The following TYR variants were observed in gnomAD, a reference collection of about 807,000 sequenced individuals.
TYR encodes the protein LB24-AB.
In TYR, 58 loss-of-function variants were observed where a neutral mutation model predicts 51.5. That is an observed-to-expected ratio of 1.13 (90% CI 0.91 to 1.40). The LOEUF (loss-of-function observed/expected upper bound fraction) is 1.40. Ranked by LOEUF, TYR falls within the 40% of genes most tolerant of loss-of-function variation. The probability of loss-of-function intolerance (pLI) is 0.00; values close to 1 mark genes in which losing one functional copy is unlikely to be tolerated. For missense variants in TYR, 732 were observed against 647.4 expected (o/e 1.13, Z -1.42); for synonymous variants, 263 against 235.2 (o/e 1.12, Z -1.08).
At chr11:89,279,761 C>T (rs1459983901) in intron 3 of TYR, among the ~76,000 whole-genome samples, 1 of 151,560 alleles carries the variant, frequency 6.6e-6, no homozygotes, top group Non-Finnish European at 1.5e-5. Context: ...GATCACCTGG[C>T]AGAGGTAGTG....
intron 1 of TYR, among the ~76,000 whole-genome samples, chr11:89,185,269 C>T (rs527723282): frequency 6.6e-6 from 1 of 152,156 alleles, no homozygotes; most frequent in African/African-American, 2.4e-5. Context: ...ATGGAGATAT[C>T]TCCCTTATGG....
intron 2 of TYR, among the ~76,000 whole-genome samples, chr11:89,201,013 T>C (rs142429073): frequency 4.6e-5 from 7 of 152,288 alleles, no homozygotes; most frequent in Non-Finnish European, 1.0e-4. Flanking sequence ...TATAATAGCA[T>C]GCATTGGTCA....
At chr11:89,254,185 A>G (rs1306438913) in intron 3 of TYR, among the ~76,000 whole-genome samples, 1 of 151,886 alleles carries the variant, frequency 6.6e-6, no homozygotes, top group East Asian at 1.9e-4. Context: ...CCACTTGATC[A>G]CGGTGGATTA....
Position 89,178,600 on chromosome 11 carries a change from T to C in TYR, c.647T>C (p.Leu216Ser). ...CTGCCTTGGCATAGACTCTTCTTGT[T>C]GCGGTGGGAACAAGAAATCCAGAAG... ...AFLPWHRLFL[L>S]RWEQEIQKLT... is the part of the protein sequence containing the mutation. The change falls in exon 1 of 5, where the codon TTG becomes TCG. Residue 216 changes from leucine to serine, a missense_variant. By Grantham distance (145) the Leu-to-Ser change is moderately radical. Transcript: ENST00000263321. The C allele has an allele frequency of 6.2e-7, 1 of 1,612,984 alleles. No homozygotes were observed. Among genetic ancestry groups the C allele is most frequent in the Middle Eastern group, 1.7e-4 (1 of 6,056 alleles).
intron 2 of TYR, among the ~76,000 whole-genome samples, chr11:89,217,938 C>CATGTTTT (rs1186715319): frequency 2.0e-5 from 3 of 151,768 alleles, no homozygotes; most frequent in Non-Finnish European, 2.9e-5. Context: ...TTTATTATTC[C>CATGTTTT]ATGTTTTATG....
intron 3 of TYR, among the ~76,000 whole-genome samples, chr11:89,247,524 T>C (rs879292515): frequency 3.9e-5 from 6 of 152,210 alleles, no homozygotes; most frequent in Non-Finnish European, 7.3e-5. Flanking sequence ...TAATATATTC[T>C]AGTACTAGGA....
chr11:89,278,825 A>G (rs961666065), intron 3 of TYR, among the ~76,000 whole-genome samples: 1 of 151,698 alleles, frequency 6.6e-6, no homozygotes, highest in Non-Finnish European at 1.5e-5. Context: ...CCAGGATACT[A>G]TATTACATTT....
intron 1 of TYR, among the ~76,000 whole-genome samples, chr11:89,181,432 C>T (rs915153275): frequency 3.9e-5 from 6 of 152,142 alleles, no homozygotes; most frequent in East Asian, 1.9e-4. Flanking sequence ...TTTACAAAAA[C>T]GCATGTTCTG....
At chr11:89,234,461 T>C (rs1944086689) in intron 3 of TYR, among the ~76,000 whole-genome samples, 1 of 143,856 alleles carries the variant, frequency 7.0e-6, no homozygotes, top group Non-Finnish European at 1.5e-5. Context: ...GCAACTTGAC[T>C]AACTTTTGCA....
intron 2 of TYR, among the ~76,000 whole-genome samples, chr11:89,226,624 A>G (rs1028283001): frequency 6.6e-6 from 1 of 152,140 alleles, no homozygotes; most frequent in Non-Finnish European, 1.5e-5. Flanking sequence ...GTGGGAGAGC[A>G]CAAGGCATGT....
At chr11:89,280,573 T>C (rs1365026154) in intron 3 of TYR, among the ~76,000 whole-genome samples, 2 of 151,468 alleles carry the variant, frequency 1.3e-5, no homozygotes, top group Non-Finnish European at 3.0e-5. Flanking sequence ...ATTCTATTAA[T>C]TTTATATTAT....
chr11:89,222,281 G>A (rs1007150216), intron 2 of TYR, among the ~76,000 whole-genome samples: 20 of 152,126 alleles, frequency 1.3e-4, no homozygotes, highest in Admixed American at 1.2e-3. Context: ...AGAACGACCC[G>A]GAGTGGTTTT....
intron 1 of TYR, 148 bp downstream of exon 1, chr11:89,178,920 T>C: frequency 1.3e-6 from 1 of 778,960 alleles, no homozygotes; most frequent in South Asian, 1.5e-5. Context: ...TCAATGTATC[T>C]TGTATTTTTC....
chr11:89,252,843 A>C (rs562215851), intron 3 of TYR, among the ~76,000 whole-genome samples: 15 of 151,848 alleles, frequency 9.9e-5, no homozygotes, highest in Non-Finnish European at 1.9e-4. Flanking sequence ...GGAAAGCAAC[A>C]TTCAGGAAAT....
chr11:89,210,688 A>G (rs1261279505), intron 2 of TYR, among the ~76,000 whole-genome samples: 1 of 152,208 alleles, frequency 6.6e-6, no homozygotes, highest in Non-Finnish European at 1.5e-5. Context: ...GGTTGAAATG[A>G]AGGAAAAAGT....
At chr11:89,282,550 T>C (rs996429090) in intron 3 of TYR, among the ~76,000 whole-genome samples, 9 of 151,804 alleles carry the variant, frequency 5.9e-5, no homozygotes, top group African/African-American at 1.7e-4. Context: ...CCTTTTTCTT[T>C]GTATTTTCTC....
chr11:89,253,887 A>G (rs751683686), intron 3 of TYR, among the ~76,000 whole-genome samples: 6 of 151,810 alleles, frequency 4.0e-5, no homozygotes, highest in Non-Finnish European at 8.8e-5. Flanking sequence ...GAGAGTGGGC[A>G]TCTTTGTCTT....
intron 3 of TYR, among the ~76,000 whole-genome samples, chr11:89,245,034 C>T (rs1467392748): frequency 6.6e-6 from 1 of 152,194 alleles, no homozygotes; most frequent in Non-Finnish European, 1.5e-5. Context: ...GCACCTATCA[C>T]TATGCCTAGC....
intron 4 of TYR, among the ~76,000 whole-genome samples, chr11:89,287,096 T>C (rs544252519): frequency 4.6e-5 from 7 of 151,892 alleles, no homozygotes; most frequent in African/African-American, 1.7e-4. Context: ...TTCTCATAGT[T>C]ACATAGCATT....
Sources: gnomAD v4.1 joint callset for allele counts (sites outside exome capture counted in the v4.1 genomes callset) on GRCh38, gnomAD v4.1.1 for gene constraint, MANE v1.5 for transcripts, NCBI Gene and HGNC (gene_info 2026-07-23, HGNC 2026-07-21) for gene names.